LRPPRC: variants seen among roughly 807,000 people sequenced by gnomAD.
LRPPRC encodes leucine-rich PPR motif-containing protein, mitochondrial.
LRPPRC carries 120 observed loss-of-function variants against 180.3 expected under a neutral mutation model. The observed-to-expected ratio is 0.67, with a 90% CI of 0.57 to 0.77. The LOEUF is 0.77. LRPPRC is among the 30% of genes least tolerant of loss of function. The pLI is 0.00. For missense variants in LRPPRC, 2,012 were observed against 1,657.2 expected (o/e 1.21, Z -3.72); for synonymous variants, 723 against 600.0 (o/e 1.21, Z -3.00).
rs557795005 is a variant in LRPPRC at position 43,988,977 on chromosome 2, C to T, written c.150-6543G>A. 2.6e-3 allele frequency among the ~76,000 whole-genome samples: 397 copies of T among 152,176 alleles called. 1 individual carries two copies. Among genetic ancestry groups the T allele is most frequent in the Middle Eastern group, 0.014 (4 of 294 alleles). ...TTTGAACTCCTGGCCTCAAGCAATC[C>T]TCCCACCTCAGCCTCAGCTCCCAAG... On this transcript the variant is annotated intron_variant, in intron 1 of 37. Transcript: ENST00000260665.
chr2:43,912,638 G>T (rs954083382), intron 29 of LRPPRC, 80 bp from the exon 30 acceptor site: 1 of 1,217,738 alleles, frequency 8.2e-7, no homozygotes, highest in African/African-American at 1.5e-5. Context: ...CTGAAACAAA[G>T]ACCTAAACCC....
chr2:43,982,227 T>A lies in LRPPRC; in HGVS notation c.346+11A>T, dbSNP rs1020929319. ...AAAAGTCAACTTTATGAACAGGAAATTTTGAAATACCTGAGCGGCAGGTAT... is the reference window on the plus strand; with the variant it reads ...AAAAGTCAACTTTATGAACAGGAAAATTTGAAATACCTGAGCGGCAGGTAT... On this transcript the variant is annotated intron_variant, in intron 2 of 37. Transcript: ENST00000260665. The A allele has an allele frequency of 6.5e-7, 1 of 1,547,418 alleles. No homozygotes were observed. The highest frequency in any genetic ancestry group is 8.7e-7 in the Non-Finnish European group (1 of 1,150,312).
intron 25 of LRPPRC, among the ~76,000 whole-genome samples, chr2:43,927,724 C>T (rs1225711493): frequency 6.6e-6 from 1 of 152,208 alleles, no homozygotes; most frequent in Non-Finnish European, 1.5e-5. Context: ...TTATGACATA[C>T]TCTTTCTGTT....
chr2:43,979,942 A>G lies in LRPPRC; in HGVS notation c.353T>C (p.Leu118Pro). The G allele has an allele frequency of 3.1e-6, 5 of 1,613,846 alleles. No individual in the cohort carries two copies. Among genetic ancestry groups the G allele is most frequent in the Non-Finnish European group, 4.2e-6 (5 of 1,179,808 alleles). Residue 118 changes from leucine (L) to proline (P), a missense_variant, in exon 3 of 38, where the codon CTA becomes CCA. Leu to Pro is a moderately conservative substitution (Grantham distance 98). Coordinates refer to ENST00000260665, the MANE Select transcript of LRPPRC (RefSeq NM_133259.4). ...TAGAAGCAAGGCATGACTACCACCT[A>G]GGCCACCTGTGGAAAAAAGGTTAAT... The part of the protein sequence containing the change: ...VFNDTCRSGG[L>P]GGSHALLLLR...
Position 43,912,512 on chromosome 2 carries a change from A to C in LRPPRC, c.3195T>G (p.Phe1065Leu). 6.2e-7 allele frequency: 1 copy of C among 1,603,210 alleles called. No individual in the cohort carries two copies. The highest frequency in any genetic ancestry group is 2.2e-5 in the East Asian group (1 of 44,706). ...TGAGATTGCTGTAGGTTTCAGCATT[A>C]AACACAATGTTTTGCTCTTTTGCAT... ...FLNAKEQNIV[F>L]NAETYSNLIK... The change falls in exon 30 of 38, where the codon TTT (phenylalanine) becomes TTG (leucine). Residue 1065 changes from phenylalanine (F) to leucine (L), a missense_variant. Transcript: ENST00000260665.
intron 15 of LRPPRC, among the ~76,000 whole-genome samples, chr2:43,950,278 G>A (rs770379318): frequency 5.2e-4 from 79 of 151,792 alleles, no homozygotes; most frequent in Non-Finnish European, 7.8e-4. Context: ...TTGTTACATC[G>A]GTAAACGTGT....
At chr2:43,977,079 TTA>T in intron 4 of LRPPRC, 27 bp from the exon 5 acceptor site, 1 of 1,611,022 alleles carries the variant, frequency 6.2e-7, no homozygotes, top group South Asian at 1.1e-5. Flanking sequence ...CCAGTTAATT[TTA>T]AATATACTTT....
chr2:43,929,688 G>C (rs1462209741), intron 25 of LRPPRC, among the ~76,000 whole-genome samples: 3 of 152,074 alleles, frequency 2.0e-5, no homozygotes, highest in African/African-American at 7.2e-5. Flanking sequence ...AGCTAGCACA[G>C]AACAAGGGAG....
In LRPPRC at chr2:43,977,019, T is replaced by A. The variant is rs759061437; in HGVS notation, c.625A>T (p.Asn209Tyr). The A allele has an allele frequency of 5.6e-6, 9 of 1,613,312 alleles. No individual in the cohort carries two copies. In the Admixed American group the frequency reaches 1.5e-4, roughly 27 times the overall value. Residue 209 changes from asparagine to tyrosine, a missense_variant, in exon 5 of 38, where the codon AAT becomes TAT. Physicochemically the swap from Asn to Tyr is moderately radical, Grantham distance 143. Coordinates refer to ENST00000260665, the MANE Select transcript of LRPPRC (RefSeq NM_133259.4). ...CTGGCACCTTCAATATCTCCTACAT[T>A]ACAATAAGAAGCAATCAATCTCTGG... The part of the protein sequence containing the change: ...TYQRLIASYC[N>Y]VGDIEGASKI...
At chr2:43,982,210 A>C (rs762011783) in intron 2 of LRPPRC, 28 bp downstream of exon 2, 1 of 1,520,032 alleles carries the variant, frequency 6.6e-7, no homozygotes, top group Non-Finnish European at 8.8e-7. Flanking sequence ...CCAAAAGTCA[A>C]CTTTATGAAC....
chr2:43,888,708 G>T, intron 37 of LRPPRC, 52 bp from the exon 38 acceptor site: 1 of 967,882 alleles, frequency 1.0e-6, no homozygotes, highest in Non-Finnish European at 1.7e-6. Flanking sequence ...AGAGGTGATG[G>T]TACATAACTT....
chr2:43,897,002 G>T (rs1441242332), intron 34 of LRPPRC, among the ~76,000 whole-genome samples: 1 of 152,082 alleles, frequency 6.6e-6, no homozygotes, highest in Admixed American at 6.5e-5. Flanking sequence ...GGACTGCAAA[G>T]AAAGAGGAAA....
chr2:43,913,270 C>A (rs7569394), intron 29 of LRPPRC, among the ~76,000 whole-genome samples: 1 of 152,080 alleles, frequency 6.6e-6, no homozygotes, highest in African/African-American at 2.4e-5. Flanking sequence ...GTCACTTATA[C>A]TTTTCTGAAA....
chr2:43,941,285 T>G (rs946971860), intron 23 of LRPPRC, among the ~76,000 whole-genome samples: 1 of 152,186 alleles, frequency 6.6e-6, no homozygotes, highest in South Asian at 2.1e-4. Context: ...TCTAAGGAAC[T>G]CAGTCTCATG....
chr2:43,902,921 G>C (rs1040682613), intron 31 of LRPPRC: 1 of 152,164 alleles, frequency 6.6e-6, no homozygotes, highest in Non-Finnish European at 1.5e-5. Flanking sequence ...AGGCACAGCA[G>C]TTTAAACAGC....
At chr2:43,921,971 T>C (rs567325460) in intron 27 of LRPPRC, among the ~76,000 whole-genome samples, 58 of 152,352 alleles carry the variant, frequency 3.8e-4, no homozygotes, top group East Asian at 2.5e-3. Context: ...AACTAATTTC[T>C]ACTTTCTATC....
intron 30 of LRPPRC, among the ~76,000 whole-genome samples, chr2:43,910,000 C>T (rs895407686): frequency 1.3e-5 from 2 of 152,094 alleles, no homozygotes; most frequent in South Asian, 2.1e-4. Context: ...CATACACACA[C>T]GCATAACTGA....
intron 29 of LRPPRC, among the ~76,000 whole-genome samples, chr2:43,916,487 G>A (rs993477463): frequency 3.9e-5 from 6 of 152,048 alleles, no homozygotes; most frequent in East Asian, 1.9e-4. Context: ...TTGAGATATT[G>A]CTGGATCACT....
At chr2:43,990,931 C>A (rs1674747894) in intron 1 of LRPPRC, among the ~76,000 whole-genome samples, 1 of 151,876 alleles carries the variant, frequency 6.6e-6, no homozygotes, top group Admixed American at 6.6e-5. Context: ...CTGCAACCTC[C>A]ACCTCCCGGG....
Sources: allele counts gnomAD v4.1 joint callset (sites outside exome capture counted in the v4.1 genomes callset), GRCh38; gene constraint gnomAD v4.1.1; transcripts MANE v1.5; gene names NCBI Gene and HGNC (gene_info 2026-07-23, HGNC 2026-07-21).